The following LDAH variants were observed in gnomAD, a reference collection of about 807,000 sequenced individuals.
LDAH encodes the protein lipid droplet associated hydrolase, also known as lipid droplet-associated hydrolase.
Under a neutral mutation model 29.6 loss-of-function variants are expected in LDAH, and 26 were observed. The ratio of observed to expected loss-of-function variants is 0.88; its 90% CI spans 0.64 to 1.22. The LOEUF (loss-of-function observed/expected upper bound fraction) is 1.22. Ranked by LOEUF, LDAH falls within the 50% of genes most tolerant of loss-of-function variation. LDAH has a pLI of 0.00. For synonymous variants in LDAH, 117 were observed against 133.0 expected, an observed-to-expected ratio of 0.88 and a Z score of 0.83; for missense variants, 344 against 387.3, an observed-to-expected ratio of 0.89 and a Z score of 0.94.
At chr2:20,754,585 A>G (rs1406101180) in intron 4 of LDAH, among the ~76,000 whole-genome samples, 1 of 151,610 alleles carries the variant, frequency 6.6e-6, no homozygotes, top group Non-Finnish European at 1.5e-5. Context: ...CGATTAGGTG[A>G]TTGAAATTAA....
chr2:20,755,478 TTTG>T (rs1316254224), intron 4 of LDAH, among the ~76,000 whole-genome samples: 1 of 152,204 alleles, frequency 6.6e-6, no homozygotes, highest in African/African-American at 2.4e-5. Context: ...GCATAAGCAG[TTTG>T]TTTTTTGTTT....
chr2:20,791,042 T>C (rs1670911198), intron 2 of LDAH, among the ~76,000 whole-genome samples: 1 of 152,220 alleles, frequency 6.6e-6, no homozygotes, highest in Non-Finnish European at 1.5e-5. Context: ...TATCTATTTC[T>C]CTGATCAGTT....
At chr2:20,701,730 C>A (rs756896354) in intron 5 of LDAH, 78 bp from the exon 6 acceptor site, 3 of 1,306,962 alleles carry the variant, frequency 2.3e-6, no homozygotes, top group Non-Finnish European at 3.3e-6. Flanking sequence ...TTAGTAAATT[C>A]ATGTTCCTCC....
chr2:20,687,145 C>T, intron 6 of LDAH, 51 bp from the exon 7 acceptor site: 1 of 1,499,134 alleles, frequency 6.7e-7, no homozygotes, highest in Non-Finnish European at 9.1e-7. Context: ...CCCTTCCTGA[C>T]ACAGATATGA....
intron 5 of LDAH, among the ~76,000 whole-genome samples, chr2:20,702,485 A>G (rs1398501552): frequency 6.6e-6 from 1 of 152,194 alleles, no homozygotes; most frequent in Non-Finnish European, 1.5e-5. Flanking sequence ...ATATTCACAT[A>G]TATTGAGATC....
chr2:20,792,351 G>A (rs1358907422), intron 2 of LDAH, among the ~76,000 whole-genome samples: 2 of 151,994 alleles, frequency 1.3e-5, no homozygotes, highest in African/African-American at 2.4e-5. Context: ...TATCATATGA[G>A]GTAGCACTAT....
At chr2:20,770,618 C>T (rs546311679) in intron 4 of LDAH, among the ~76,000 whole-genome samples, 1 of 152,122 alleles carries the variant, frequency 6.6e-6, no homozygotes, top group African/African-American at 2.4e-5. Flanking sequence ...ATTCTCCCCC[C>T]ACCCCAACAC....
chr2:20,764,477 G>C (rs1668896959), intron 4 of LDAH, among the ~76,000 whole-genome samples: 1 of 152,094 alleles, frequency 6.6e-6, no homozygotes, highest in Non-Finnish European at 1.5e-5. Context: ...TCAATTCTAG[G>C]ACTCTGATTT....
Position 20,742,079 on chromosome 2 carries a change from T to C in LDAH, c.469-1874A>G, listed in dbSNP as rs555416690. ...ATCTTGGAATTTCTTTTCTAATCCA[T>C]GTTTAATCTCCATGTATTTTGGGAC... On this transcript the variant is annotated intron_variant, in intron 4 of 6. Transcript: ENST00000237822. Among the ~76,000 whole-genome samples, 11 of 152,374 alleles carry C rather than the reference T, an allele frequency of 7.2e-5. No homozygotes were observed. In the South Asian group the frequency reaches 2.3e-3, roughly 32 times the overall value.
chr2:20,799,094 G>C (rs182504623), intron 2 of LDAH, among the ~76,000 whole-genome samples: 1 of 152,014 alleles, frequency 6.6e-6, no homozygotes, highest in Non-Finnish European at 1.5e-5. Flanking sequence ...AGGCATGGTG[G>C]CAGACACCTG....
intron 4 of LDAH, among the ~76,000 whole-genome samples, chr2:20,753,124 A>G (rs1285124684): frequency 6.6e-6 from 1 of 152,218 alleles, no homozygotes; most frequent in Non-Finnish European, 1.5e-5. Context: ...AGTGTAATAT[A>G]ATAATGTGAG....
At chr2:20,734,467 T>G (rs1337963681) in intron 5 of LDAH, among the ~76,000 whole-genome samples, 1 of 152,198 alleles carries the variant, frequency 6.6e-6, no homozygotes, top group African/African-American at 2.4e-5. Flanking sequence ...ATGGCTGTTC[T>G]AGGTACTACA....
At position 20,782,998 on chromosome 2, in the gene LDAH, C is replaced by T. The variant is rs1326899074; in HGVS notation, c.298+7257G>A. Among the ~76,000 whole-genome samples the T allele has an allele frequency of 2.0e-5, 3 of 152,262 alleles. No homozygotes were observed. The South Asian group carries it at 6.2e-4, about 32-fold the overall frequency. Reference sequence around the variant, plus strand: ...TAAGCACTAGTTTTGCTATATCCTACCAATTTTTATAAGTTGTATTTCCAC... The same window carrying T: ...TAAGCACTAGTTTTGCTATATCCTATCAATTTTTATAAGTTGTATTTCCAC... On this transcript the variant is annotated intron_variant, in intron 3 of 6. Coordinates refer to ENST00000237822, the MANE Select transcript of LDAH (RefSeq NM_021925.4).
At chr2:20,714,176 A>G (rs1664983887) in intron 5 of LDAH, among the ~76,000 whole-genome samples, 1 of 152,184 alleles carries the variant, frequency 6.6e-6, no homozygotes, top group Non-Finnish European at 1.5e-5. Context: ...ATCACAACAA[A>G]CTGTCTCTCA....
At chr2:20,805,419 T>C (rs1022401481) in intron 1 of LDAH, among the ~76,000 whole-genome samples, 1 of 152,138 alleles carries the variant, frequency 6.6e-6, no homozygotes, top group African/African-American at 2.4e-5. Context: ...AAAGCAGCAA[T>C]GGAAAATCTG....
Position 20,698,163 on chromosome 2 carries a change from C to A in LDAH, c.786+3407G>T, listed in dbSNP as rs943487325. 1.3e-5 allele frequency among the ~76,000 whole-genome samples: 2 copies of A among 152,186 alleles called. No individual in the cohort carries two copies. The highest frequency in any genetic ancestry group is 2.4e-5 in the African/African-American group (1 of 41,438). On this transcript the variant is annotated intron_variant, in intron 6 of 6. Transcript: ENST00000237822. The surrounding 1 kb of genome is among the most constrained non-coding windows in gnomAD (Gnocchi z 4.4). ...CGTCCCCATCTATCCATCTGTCTAG[C>A]ACATATTTACTGACTGTTTACCAGG...
At chr2:20,806,026 A>G (rs1398588880) in intron 1 of LDAH, among the ~76,000 whole-genome samples, 1 of 152,232 alleles carries the variant, frequency 6.6e-6, no homozygotes, top group East Asian at 1.9e-4. Context: ...AAATGTCTGC[A>G]TTTTACTTTG....
intron 2 of LDAH, among the ~76,000 whole-genome samples, chr2:20,794,570 C>T (rs1257377409): frequency 6.6e-6 from 1 of 152,134 alleles, no homozygotes; most frequent in Non-Finnish European, 1.5e-5. Context: ...GGATTTATCA[C>T]AGGAATGCTG....
intron 3 of LDAH, among the ~76,000 whole-genome samples, chr2:20,779,760 T>C (rs906386613): frequency 2.6e-5 from 4 of 152,152 alleles, no homozygotes; most frequent in Non-Finnish European, 5.9e-5. Flanking sequence ...GTTATATAAC[T>C]CTATTTTGCT....
Sources: allele counts gnomAD v4.1 joint callset (sites outside exome capture counted in the v4.1 genomes callset), GRCh38; gene constraint gnomAD v4.1.1; non-coding constraint Gnocchi (gnomAD v3.1); transcripts MANE v1.5; gene names NCBI Gene and HGNC (gene_info 2026-07-23, HGNC 2026-07-21).